STXBP5L: variants seen among roughly 807,000 people sequenced by gnomAD.
STXBP5L encodes syntaxin binding protein 5L.
Under a neutral mutation model 144.5 loss-of-function variants are expected in STXBP5L, and 65 were observed. The observed-to-expected ratio is 0.45, with a 90% CI of 0.37 to 0.55. The LOEUF (loss-of-function observed/expected upper bound fraction) is 0.55, where lower values mean the gene tolerates loss of function less well. Ranked by LOEUF, STXBP5L falls within the 20% of genes least tolerant of loss-of-function variation. The pLI is 0.00. For missense variants in STXBP5L, 1,298 were observed against 1,405.5 expected (o/e 0.92, Z 1.22); for synonymous variants, 505 against 469.6 (o/e 1.08, Z -0.97).
At chr3:121,110,988 T>C (rs887989719) in intron 5 of STXBP5L, among the ~76,000 whole-genome samples, 4 of 152,156 alleles carry the variant, frequency 2.6e-5, no homozygotes, top group Non-Finnish European at 5.9e-5. Flanking sequence ...ATCAAGATAG[T>C]CTTCAAGCTC....
chr3:121,060,820 C>T (rs940295140), intron 5 of STXBP5L, among the ~76,000 whole-genome samples: 1 of 152,260 alleles, frequency 6.6e-6, no homozygotes. Context: ...ATGGTGATAT[C>T]CACTTTATCA....
chr3:121,324,508 C>A, intron 20 of STXBP5L: 1 of 697,848 alleles, frequency 1.4e-6, no homozygotes, highest in Non-Finnish European at 2.6e-6. Context: ...GCTACCAGAA[C>A]CCCTGAGTCA....
Position 121,378,851 on chromosome 3 carries a change from C to T in STXBP5L, c.2312C>T (p.Ala771Val). 1.2e-6 allele frequency: 2 copies of T among 1,613,554 alleles called. No individual in the cohort carries two copies. The highest frequency in any genetic ancestry group is 3.3e-5 in the Admixed American group (2 of 59,896). The change falls in exon 21 of 27, where the codon GCC becomes GTC. Residue 771 changes from alanine (A) to valine (V), a missense_variant. Transcript: ENST00000471454. ...CCATTTCGAAAGGCCCAGTCAGCAG[C>T]CTGCATGGAGATTTCTTTACCAGTT... ...RPPFRKAQSAACMEISLPVTT... is the reference protein window; with the variant it reads ...RPPFRKAQSAVCMEISLPVTT...
intron 5 of STXBP5L, among the ~76,000 whole-genome samples, chr3:121,105,942 A>T (rs1459689657): frequency 1.3e-5 from 2 of 152,148 alleles, no homozygotes; most frequent in African/African-American, 4.8e-5. Context: ...CCTAAGTAAA[A>T]TTTCTAAGAG....
At chr3:121,132,149 G>A (rs897169903) in intron 7 of STXBP5L, among the ~76,000 whole-genome samples, 4 of 152,182 alleles carry the variant, frequency 2.6e-5, no homozygotes, top group African/African-American at 9.7e-5. Context: ...GACAAGAATG[G>A]AGGCAGCAAA....
intron 22 of STXBP5L, among the ~76,000 whole-genome samples, chr3:121,402,222 C>T (rs1341733992): frequency 2.0e-5 from 3 of 152,118 alleles, no homozygotes; most frequent in African/African-American, 7.2e-5. Flanking sequence ...ATAATAAGCA[C>T]TGAAGATAAA....
chr3:121,312,444 ATCTTT>A (rs1287632504), intron 19 of STXBP5L, among the ~76,000 whole-genome samples: 4 of 31,960 alleles, frequency 1.3e-4, no homozygotes, highest in Admixed American at 3.9e-4. Context: ...AGGTATGTCA[ATCTTT>A]TTTTTTTTTT....
At chr3:121,245,739 TA>T (rs1279588524) in intron 14 of STXBP5L, among the ~76,000 whole-genome samples, 1 of 151,896 alleles carries the variant, frequency 6.6e-6, no homozygotes. Context: ...CAGAAAGATA[TA>T]AAAAGTACAA....
intron 3 of STXBP5L, among the ~76,000 whole-genome samples, chr3:120,977,544 A>G (rs769167000): frequency 1.3e-5 from 2 of 152,144 alleles, no homozygotes; most frequent in South Asian, 2.1e-4. Flanking sequence ...GTCCTTTTAC[A>G]TTGAAAGTTA....
chr3:121,088,382 C>T (rs1427573547), intron 5 of STXBP5L, among the ~76,000 whole-genome samples: 1 of 114,326 alleles, frequency 8.7e-6, no homozygotes, highest in African/African-American at 3.5e-5. Context: ...CAAATCAAAA[C>T]CACTATGAGA....
At chr3:121,278,545 T>C (rs2050953828) in intron 18 of STXBP5L, among the ~76,000 whole-genome samples, 1 of 151,956 alleles carries the variant, frequency 6.6e-6, no homozygotes, top group Non-Finnish European at 1.5e-5. Flanking sequence ...ACATAAAAAG[T>C]TTAAGGATAC....
At chr3:121,002,854 C>G (rs1943905621) in intron 3 of STXBP5L, among the ~76,000 whole-genome samples, 1 of 152,024 alleles carries the variant, frequency 6.6e-6, no homozygotes, top group African/African-American at 2.4e-5. Context: ...TGGTTTCCAG[C>G]TTCATCCATG....
chr3:121,099,459 GATTGTAAGA>G (rs1384282577), intron 5 of STXBP5L: 1 of 152,248 alleles, frequency 6.6e-6, no homozygotes, highest in Non-Finnish European at 1.5e-5. Flanking sequence ...GGAACTCTGT[GATTGTAAGA>G]ATTGTAGAGA....
At chr3:121,011,558 C>A (rs1412452997) in intron 3 of STXBP5L, among the ~76,000 whole-genome samples, 1 of 151,448 alleles carries the variant, frequency 6.6e-6, no homozygotes, top group Non-Finnish European at 1.5e-5. Flanking sequence ...TACCTGCTTA[C>A]CATTATAGCT....
intron 3 of STXBP5L, among the ~76,000 whole-genome samples, chr3:121,013,286 G>C (rs1944913410): frequency 6.6e-6 from 1 of 152,008 alleles, no homozygotes; most frequent in Non-Finnish European, 1.5e-5. Context: ...TTCCACAGAG[G>C]CTGAACTAAT....
intron 9 of STXBP5L, among the ~76,000 whole-genome samples, chr3:121,163,956 T>C (rs567117857): frequency 6.6e-6 from 1 of 152,280 alleles, no homozygotes; most frequent in Non-Finnish European, 1.5e-5. Context: ...TATTGGGGTA[T>C]AGTTCACAAC....
intron 9 of STXBP5L, among the ~76,000 whole-genome samples, chr3:121,161,355 G>T (rs1405391358): frequency 6.6e-6 from 1 of 151,272 alleles, no homozygotes; most frequent in Non-Finnish European, 1.5e-5. Context: ...CACTTTACAT[G>T]ATCTTCTGCC....
intron 9 of STXBP5L, among the ~76,000 whole-genome samples, chr3:121,193,200 A>T (rs1267463853): frequency 1.4e-5 from 2 of 143,490 alleles, no homozygotes; most frequent in African/African-American, 2.6e-5. Flanking sequence ...ACACCTATGC[A>T]GCCAACAGAC....
intron 19 of STXBP5L, among the ~76,000 whole-genome samples, chr3:121,287,774 A>G (rs1312807119): frequency 1.3e-5 from 2 of 152,112 alleles, no homozygotes; most frequent in African/African-American, 2.4e-5. Flanking sequence ...GGTTGCAGTG[A>G]GCCGAGATCG....
Sources: gnomAD v4.1 joint callset for allele counts (sites outside exome capture counted in the v4.1 genomes callset) on GRCh38, gnomAD v4.1.1 for gene constraint, MANE v1.5 for transcripts, NCBI Gene and HGNC (gene_info 2026-07-23, HGNC 2026-07-21) for gene names.